The following VPS26A variants were observed in gnomAD, a reference collection of about 807,000 sequenced individuals.
VPS26A encodes the protein VPS26 retromer complex component A.
VPS26A carries 22 observed loss-of-function variants against 42.4 expected under a neutral mutation model. The observed-to-expected ratio is 0.52, with a 90% confidence interval of 0.37 to 0.74. VPS26A has a LOEUF of 0.74. VPS26A is among the 30% of genes least tolerant of loss of function. The pLI is 0.00. For missense variants in VPS26A, 276 were observed against 379.2 expected (o/e 0.73, Z 2.26); for synonymous variants, 110 against 123.5 (o/e 0.89, Z 0.73).
intron 6 of VPS26A, among the ~76,000 whole-genome samples, chr10:69,164,439 A>G (rs959474004): frequency 6.6e-6 from 1 of 151,982 alleles, no homozygotes; most frequent in African/African-American, 2.4e-5. Flanking sequence ...GCTGGTTTCA[A>G]ACTCCTGGAC....
chr10:69,148,402 G>C (rs1841211967), intron 2 of VPS26A, among the ~76,000 whole-genome samples: 1 of 152,090 alleles, frequency 6.6e-6, no homozygotes, highest in South Asian at 2.1e-4. Context: ...GATTATAGTA[G>C]TTTATAGTTT....
chr10:69,130,378 A>G (rs746390420), intron 1 of VPS26A, among the ~76,000 whole-genome samples: 8 of 152,194 alleles, frequency 5.3e-5, no homozygotes, highest in Non-Finnish European at 7.4e-5. Flanking sequence ...CAAAGGGTGA[A>G]TTAGGTTAAG....
At chr10:69,152,717 C>T (rs561939956) in intron 2 of VPS26A, among the ~76,000 whole-genome samples, 9 of 152,210 alleles carry the variant, frequency 5.9e-5, no homozygotes, top group Admixed American at 3.3e-4. Context: ...TGCCTGTAAT[C>T]CCAGCACTTT....
intron 2 of VPS26A, among the ~76,000 whole-genome samples, chr10:69,154,915 ATT>A (rs542157474): frequency 6.6e-6 from 1 of 151,764 alleles, no homozygotes; most frequent in African/African-American, 2.4e-5. Context: ...ACATATATAT[ATT>A]TTTTTTTTAA....
chr10:69,139,247 G>T (rs1439748804), intron 2 of VPS26A, among the ~76,000 whole-genome samples: 1 of 152,064 alleles, frequency 6.6e-6, no homozygotes, highest in African/African-American at 2.4e-5. Context: ...ACACTTAAAA[G>T]TTAGTTTTTC....
Position 69,133,805 on chromosome 10 carries a change from T to A in VPS26A, c.153+758T>A, listed in dbSNP as rs1353538509. On this transcript the variant is annotated intron_variant, in intron 2 of 8. Transcript: ENST00000263559. ...GGACTCAGGTGATTCTCCCACCTCA[T>A]CCTCTCTGGTAGCTGGGACTACAGG... 2.6e-5 allele frequency among the ~76,000 whole-genome samples: 4 copies of A among 152,022 alleles called. No homozygotes were observed. In the East Asian group the frequency reaches 7.7e-4, roughly 29 times the overall value.
Position 69,171,350 on chromosome 10 carries a change from C to G in VPS26A, c.*81C>G. On this transcript the variant is annotated 3_prime_UTR_variant, in exon 9 of 9. Coordinates refer to ENST00000263559, the MANE Select transcript of VPS26A (RefSeq NM_004896.5). ...TTCAGCAGGTTAAAGATGGTTGCAG[C>G]TGGAGGGGGCGGAAAAAGGCCAAAA... The G allele has an allele frequency of 7.6e-7, 1 of 1,318,426 alleles. No individual in the cohort carries two copies. Among genetic ancestry groups the G allele is most frequent in the Non-Finnish European group, 1.1e-6 (1 of 943,898 alleles). 81.7% of individuals were successfully genotyped at this position (1,318,426 alleles called of 1,614,324 possible). A position where few individuals can be genotyped will look rare whatever the true frequency, so the allele number is the denominator to read the frequency against.
At chr10:69,157,286 C>G (rs1283382501) in intron 4 of VPS26A, 123 bp downstream of exon 4, 2 of 1,261,832 alleles carry the variant, frequency 1.6e-6, no homozygotes, top group Non-Finnish European at 2.1e-6. Context: ...TTTAAAAATT[C>G]TGTCACATAC....
intron 2 of VPS26A, among the ~76,000 whole-genome samples, chr10:69,139,431 G>A (rs1287224691): frequency 6.6e-6 from 1 of 152,082 alleles, no homozygotes; most frequent in Non-Finnish European, 1.5e-5. Flanking sequence ...AGCCTCCCAA[G>A]TAGCTGGGAC....
At chr10:69,125,887 A>G (rs184088205) in intron 1 of VPS26A, among the ~76,000 whole-genome samples, 1 of 152,308 alleles carries the variant, frequency 6.6e-6, no homozygotes, top group East Asian at 1.9e-4. Context: ...TTATGTATCT[A>G]CCATGTATTT....
intron 2 of VPS26A, among the ~76,000 whole-genome samples, chr10:69,153,924 A>G (rs1053680046): frequency 6.6e-6 from 1 of 152,206 alleles, no homozygotes; most frequent in African/African-American, 2.4e-5. Context: ...TTCAGTGAAC[A>G]AGTGAATAAA....
chr10:69,155,847 A>G lies in VPS26A; in HGVS notation c.189A>G (p.Leu63=). Residue 63 remains leucine, a synonymous_variant, in exon 3 of 9, where the codon CTA becomes CTG. Transcript: ENST00000263559. The part of the protein sequence containing the change: ...NLAFKQPGKR[L]EHQGIRIEFV... ...CCTTTAAGCAACCTGGAAAGAGGCT[A>G]GAACACCAAGGAATTAGAATTGAAT... 1.2e-6 allele frequency: 2 copies of G among 1,612,586 alleles called. No individual in the cohort carries two copies. The highest frequency in any genetic ancestry group is 8.5e-7 in the Non-Finnish European group (1 of 1,179,224).
intron 3 of VPS26A, 33 bp from the exon 4 acceptor site, chr10:69,156,974 T>C: frequency 6.5e-7 from 1 of 1,549,978 alleles, no homozygotes; most frequent in Non-Finnish European, 8.7e-7. Context: ...GGCTATTAAA[T>C]AATTGGTCTT....
intron 3 of VPS26A, 142 bp downstream of exon 3, chr10:69,156,029 T>A: frequency 1.6e-6 from 1 of 622,354 alleles, no homozygotes; most frequent in Non-Finnish European, 2.7e-6. Context: ...GAGGATTTAC[T>A]TTATAACTAT....
At chr10:69,136,422 A>T (rs1176486498) in intron 2 of VPS26A, among the ~76,000 whole-genome samples, 1 of 150,902 alleles carries the variant, frequency 6.6e-6, no homozygotes, top group African/African-American at 2.4e-5. Flanking sequence ...GCGCCACGAC[A>T]TCCGGCTAAT....
rs1352808646 is a variant in VPS26A at position 69,174,198 on chromosome 10, G to A, written c.*2929G>A. Among the ~76,000 whole-genome samples the A allele has an allele frequency of 2.3e-5, 3 of 133,096 alleles. No homozygotes were observed. Among genetic ancestry groups the A allele is most frequent in the Non-Finnish European group, 5.0e-5 (3 of 60,076 alleles). The allele number at this position is 133,096 out of a possible 152,430, so 87.3% of individuals were successfully genotyped here. A position where few individuals can be genotyped will look rare whatever the true frequency, so the allele number is the denominator to read the frequency against. Reference sequence around the variant, plus strand: ...CACATTTAAGAGCTGTAACACTCAAGGCGAAGGTCCACGGCTCCGTTAAGT... The same window carrying A: ...CACATTTAAGAGCTGTAACACTCAAAGCGAAGGTCCACGGCTCCGTTAAGT... On this transcript the variant is annotated 3_prime_UTR_variant, in exon 9 of 9. Transcript: ENST00000263559.
rs1036313963 is a variant in VPS26A at position 69,174,028 on chromosome 10, C to T, written c.*2759C>T. 4.2e-4 allele frequency among the ~76,000 whole-genome samples: 64 copies of T among 152,286 alleles called. No individual in the cohort carries two copies. Among genetic ancestry groups the T allele is most frequent in the African/African-American group, 1.2e-3 (49 of 41,576 alleles). On this transcript the variant is annotated 3_prime_UTR_variant, in exon 9 of 9. Transcript: ENST00000263559. The stretch of plus-strand genomic sequence containing the variant: ...CTGTAGAATGGACCAATCAGCAGGA[C>T]GTGGGCGGGGACAAATAAGAGAATA...
At chr10:69,148,598 A>G (rs1468075383) in intron 2 of VPS26A, among the ~76,000 whole-genome samples, 1 of 152,178 alleles carries the variant, frequency 6.6e-6, no homozygotes, top group African/African-American at 2.4e-5. Flanking sequence ...GAGTGTATAA[A>G]TGGTGTGTGG....
At chr10:69,148,406 A>G (rs1202134311) in intron 2 of VPS26A, among the ~76,000 whole-genome samples, 1 of 152,162 alleles carries the variant, frequency 6.6e-6, no homozygotes, top group Non-Finnish European at 1.5e-5. Flanking sequence ...ATAGTAGTTT[A>G]TAGTTTAGTT....
Sources: gnomAD v4.1 joint callset for allele counts (sites outside exome capture counted in the v4.1 genomes callset) on GRCh38, gnomAD v4.1.1 for gene constraint, MANE v1.5 for transcripts, NCBI Gene and HGNC (gene_info 2026-07-23, HGNC 2026-07-21) for gene names.